The following AP1M1 variants were observed in gnomAD, a reference collection of about 807,000 sequenced individuals.
AP1M1 encodes AP-1 complex subunit mu-1.
AP1M1 carries 18 observed loss-of-function variants against 57.1 expected under a neutral mutation model. The observed-to-expected ratio is 0.32, with a 90% CI of 0.22 to 0.47. The LOEUF is 0.47. Ranked by LOEUF, AP1M1 falls within the 20% of genes least tolerant of loss-of-function variation. The pLI, the probability that AP1M1 is intolerant of heterozygous loss-of-function variation, is 1.00. For synonymous variants in AP1M1, 241 were observed against 237.9 expected, an observed-to-expected ratio of 1.01 and a Z score of -0.12; for missense variants, 362 against 593.5, an observed-to-expected ratio of 0.61 and a Z score of 4.05.
In AP1M1 at chr19:16,228,086, C is replaced by T. The variant is rs1369074017; in HGVS notation, c.817-51C>T. 5.1e-6 allele frequency: 8 copies of T among 1,578,058 alleles called. No homozygotes were observed. The Admixed American group carries it at 8.4e-5, about 16-fold the overall frequency. ...GCCTTGGTTTCCCCTCTGAAATGGG[C>T]CTTTGTCAAACAAGGCCAGGTGTGA... On this transcript the variant is annotated intron_variant, in intron 7 of 11. Coordinates refer to ENST00000291439, the MANE Select transcript of AP1M1 (RefSeq NM_032493.4). This position sits in a 1 kb window ranked among gnomAD's most constrained non-coding sequence, Gnocchi z 5.0.
intron 9 of AP1M1, among the ~76,000 whole-genome samples, chr19:16,229,624 T>A (rs1323711616): frequency 6.6e-6 from 1 of 152,202 alleles, no homozygotes; most frequent in Admixed American, 6.5e-5. Flanking sequence ...CAGCCCCAGC[T>A]GAGTTAAGCT....
intron 5 of AP1M1, among the ~76,000 whole-genome samples, chr19:16,220,517 T>C (rs757278725): frequency 6.6e-6 from 1 of 151,918 alleles, no homozygotes; most frequent in African/African-American, 2.4e-5. Flanking sequence ...CAGCCTCCCA[T>C]GTAGTTGAGA....
At chr19:16,223,056 T>A (rs1427938771) in intron 5 of AP1M1, among the ~76,000 whole-genome samples, 1 of 152,212 alleles carries the variant, frequency 6.6e-6, no homozygotes, top group Non-Finnish European at 1.5e-5. Context: ...CATCCTGGAC[T>A]TTTTGAGCAT....
At chr19:16,208,188 C>T (rs753906109) in intron 4 of AP1M1, 39 bp downstream of exon 4, 21 of 1,573,144 alleles carry the variant, frequency 1.3e-5, no homozygotes, top group East Asian at 6.8e-5. Context: ...CAGGCCTGGG[C>T]GGTGTCATGA....
chr19:16,234,430 C>A lies in AP1M1; in HGVS notation c.1267C>A (p.Gln423Lys). The A allele has an allele frequency of 6.2e-7, 1 of 1,613,808 alleles. No individual in the cohort carries two copies. Among genetic ancestry groups the A allele is most frequent in the Non-Finnish European group, 8.5e-7 (1 of 1,179,942 alleles). Reference sequence around the variant, plus strand: ...TCTCCTAGATTACCAGCTCCGGACCCAGTGAGGGGCTGTCGCAGCCAACAC... The same window carrying A: ...TCTCCTAGATTACCAGCTCCGGACCAAGTGAGGGGCTGTCGCAGCCAACAC... ...TQNGDYQLRT[Q>K] Residue 423 changes from glutamine to lysine, a missense_variant, in exon 12 of 12, where the codon CAG (glutamine) becomes AAG (lysine). This residue lies in a region of AP1M1 where 25 missense variants were observed against 82.4 expected (regional missense o/e 0.30). Coordinates refer to ENST00000291439, the MANE Select transcript of AP1M1 (RefSeq NM_032493.4).
At chr19:16,198,810 T>TG (rs1214506410) in intron 1 of AP1M1, among the ~76,000 whole-genome samples, 1 of 151,904 alleles carries the variant, frequency 6.6e-6, no homozygotes, top group African/African-American at 2.4e-5. Context: ...AGTCCCTTTT[T>TG]TTTTGTTTTG....
rs1019903238 is a variant in AP1M1, at chr19:16,200,682, C to T, written c.42+2614C>T. On this transcript the variant is annotated intron_variant, in intron 1 of 11. Coordinates refer to ENST00000291439, the MANE Select transcript of AP1M1 (RefSeq NM_032493.4). ...CACCGAGGACACCAGCGTGGCCACA[C>T]TGGGCTGGGAGGAAGCTGTCCTAGT... Among the ~76,000 whole-genome samples, 7 of 152,342 alleles carry T rather than the reference C, an allele frequency of 4.6e-5. No homozygotes were observed. The East Asian group carries it at 1.3e-3, about 29-fold the overall frequency.
intron 5 of AP1M1, among the ~76,000 whole-genome samples, chr19:16,209,646 C>T (rs1029180221): frequency 6.6e-6 from 1 of 151,970 alleles, no homozygotes; most frequent in Non-Finnish European, 1.5e-5. Context: ...CTAAAGGGCT[C>T]CTATAATCAG....
In AP1M1 at chr19:16,207,839, G is replaced by A. The variant is rs1416594359; in HGVS notation, c.268-180G>A. ...CCAGCCTGGCCCCACCCCACAGCCA[G>A]CCACTGCTGTCCTGCCCCATAACCT... On this transcript the variant is annotated intron_variant, in intron 3 of 11. Transcript: ENST00000291439. This position sits in a 1 kb window ranked among gnomAD's most constrained non-coding sequence, Gnocchi z 4.2. Among the ~76,000 whole-genome samples the A allele has an allele frequency of 6.6e-6, 1 of 152,162 alleles. No individual in the cohort carries two copies. Among genetic ancestry groups the A allele is most frequent in the Non-Finnish European group, 1.5e-5 (1 of 68,010 alleles).
rs35967465 is a variant in AP1M1, at chr19:16,241,655, CT to C, written c.*7224del. 0.56 allele frequency: 85,451 copies of C among 151,674 alleles called. 26,454 individuals carry two copies. Among genetic ancestry groups the C allele is most frequent in the Non-Finnish European group, 0.71 (48,163 of 67,910 alleles). The allele number at this position is 151,674 out of a possible 1,614,324, so 9.4% of individuals were successfully genotyped here. The stretch of plus-strand genomic sequence containing the variant: ...TGGTTGGAAAAGGGTTGAAAGAAAA[CT>C]TTTAACAGATTAATAGGAAGAAGGA... On this transcript the variant is annotated 3_prime_UTR_variant, in exon 12 of 12. Coordinates refer to ENST00000291439, the MANE Select transcript of AP1M1 (RefSeq NM_032493.4).
rs901722008 is a variant in AP1M1 at position 16,240,043 on chromosome 19, CATT to C, written c.*5612_*5614del. On this transcript the variant is annotated 3_prime_UTR_variant, in exon 12 of 12. Transcript: ENST00000291439. ...ATGTACAGGTTTTCTTTTTTATTGT[CATT>C]ATTCCTTAAATAATACAGTATAATG... is the stretch of plus-strand genomic sequence containing the variant. 2.0e-5 allele frequency: 3 copies of C among 152,018 alleles called. No homozygotes were observed. Among genetic ancestry groups the C allele is most frequent in the African/African-American group, 4.8e-5 (2 of 41,370 alleles). 9.4% of individuals were successfully genotyped at this position (152,018 alleles called of 1,614,324 possible). A position where few individuals can be genotyped will look rare whatever the true frequency, so the allele number is the denominator to read the frequency against.
At position 16,203,768 on chromosome 19, in the gene AP1M1, A is replaced by G. The variant is rs1185154942; in HGVS notation, c.199+153A>G. 1.3e-5 allele frequency among the ~76,000 whole-genome samples: 2 copies of G among 152,204 alleles called. No individual in the cohort carries two copies. Among genetic ancestry groups the G allele is most frequent in the East Asian group, 3.9e-4 (2 of 5,194 alleles). ...GGAGCTCCCTGCTGCCTGCGGAGAC[A>G]GGCAGACAATGCACGATGACATGTG... On this transcript the variant is annotated intron_variant, in intron 2 of 11. Transcript: ENST00000291439. The surrounding 1 kb of genome is among the most constrained non-coding windows in gnomAD (Gnocchi z 4.6).
In AP1M1 at chr19:16,206,316, C is replaced by A; in HGVS notation, c.200-25C>A. 1 of 1,613,508 alleles carries A rather than the reference C, an allele frequency of 6.2e-7. No individual in the cohort carries two copies. The highest frequency in any genetic ancestry group is 1.7e-5 in the Admixed American group (1 of 60,010). ...AGGCAGCAGCCCCAGCCTCTGAATG[C>A]TCCTTAACTGTGGCCGCCATGCAGT... On this transcript the variant is annotated intron_variant, in intron 2 of 11. Transcript: ENST00000291439. This position sits in a 1 kb window ranked among gnomAD's most constrained non-coding sequence, Gnocchi z 4.3.
In AP1M1 at chr19:16,233,614, T is replaced by C; in HGVS notation, c.1169T>C (p.Ile390Thr). The change falls in exon 10 of 12, where the codon ATC becomes ACC. Residue 390 changes from isoleucine (I) to threonine (T), a missense_variant. Ile to Thr is a moderately conservative substitution (Grantham distance 89, BLOSUM62 -1). Around this residue, in one of 2 missense-constraint regions of AP1M1, gnomAD observed 25 missense variants for 82.4 expected, o/e 0.30. Transcript: ENST00000291439. ...ATCCCTTACTTCACTACCTCCGGCA[T>C]CCAGGTACGTAAGGCCCAGGCGGCC... is the stretch of plus-strand genomic sequence containing the variant. ...FEIPYFTTSG[I>T]QVRYLKIIEK... The C allele has an allele frequency of 6.2e-7, 1 of 1,610,860 alleles. No homozygotes were observed. The highest frequency in any genetic ancestry group is 8.5e-7 in the Non-Finnish European group (1 of 1,178,604).
intron 5 of AP1M1, among the ~76,000 whole-genome samples, chr19:16,212,147 G>A (rs752255255): frequency 6.6e-6 from 1 of 151,938 alleles, no homozygotes; most frequent in Non-Finnish European, 1.5e-5. Flanking sequence ...CTCCTCCTCC[G>A]TTTTTTTGGA....
At position 16,206,669 on chromosome 19, in the gene AP1M1, G is replaced by A. The variant is rs567072863; in HGVS notation, c.267+261G>A. ...CTCAGAGCAGGGGTGCCCTGACCCT[G>A]GAAGGGACAAGCAGGGGTCAGCGAG... On this transcript the variant is annotated intron_variant, in intron 3 of 11. Transcript: ENST00000291439. This position sits in a 1 kb window ranked among gnomAD's most constrained non-coding sequence, Gnocchi z 4.3. Among the ~76,000 whole-genome samples the A allele has an allele frequency of 6.6e-5, 10 of 152,306 alleles. No individual in the cohort carries two copies. Among genetic ancestry groups the A allele is most frequent in the African/African-American group, 2.4e-4 (10 of 41,572 alleles).
chr19:16,214,867 G>A (rs2091510887), intron 5 of AP1M1, among the ~76,000 whole-genome samples: 1 of 151,952 alleles, frequency 6.6e-6, no homozygotes, highest in South Asian at 2.1e-4. Flanking sequence ...TCTGGCCTCA[G>A]CCTACCAATT....
rs772377095 is a variant in AP1M1 at position 16,206,315 on chromosome 19, G to T, written c.200-26G>T. 4.3e-6 allele frequency: 7 copies of T among 1,613,508 alleles called. No individual in the cohort carries two copies. The highest frequency in any genetic ancestry group is 2.2e-5 in the East Asian group (1 of 44,870). On this transcript the variant is annotated intron_variant, in intron 2 of 11. Coordinates refer to ENST00000291439, the MANE Select transcript of AP1M1 (RefSeq NM_032493.4). The surrounding 1 kb of genome is among the most constrained non-coding windows in gnomAD (Gnocchi z 4.3). Reference sequence around the variant, plus strand: ...CAGGCAGCAGCCCCAGCCTCTGAATGCTCCTTAACTGTGGCCGCCATGCAG... The same window carrying T: ...CAGGCAGCAGCCCCAGCCTCTGAATTCTCCTTAACTGTGGCCGCCATGCAG...
At chr19:16,223,377 C>G (rs2091554530) in intron 5 of AP1M1, among the ~76,000 whole-genome samples, 1 of 152,238 alleles carries the variant, frequency 6.6e-6, no homozygotes. Flanking sequence ...TAAACCACTT[C>G]ATGGGGTGAC....
Sources: allele counts gnomAD v4.1 joint callset (sites outside exome capture counted in the v4.1 genomes callset), GRCh38; gene constraint gnomAD v4.1.1; regional missense constraint gnomAD v4.1.1; non-coding constraint Gnocchi (gnomAD v3.1); transcripts MANE v1.5; gene names NCBI Gene and HGNC (gene_info 2026-07-23, HGNC 2026-07-21).